Variants in BRD4 observed in about 807,000 individuals in gnomAD.
BRD4 encodes the protein bromodomain-containing protein 4.
In BRD4, 16 loss-of-function variants were observed where a neutral mutation model predicts 142.1. That is an observed-to-expected ratio of 0.11 (90% CI 0.08 to 0.17). BRD4 has a LOEUF of 0.17. BRD4 is among the 10% of genes least tolerant of loss of function. The pLI is 1.00. For missense variants in BRD4, 1,424 were observed against 1,810.9 expected, an observed-to-expected ratio of 0.79 and a Z score of 3.88; for synonymous variants, 833 against 707.5, an observed-to-expected ratio of 1.18 and a Z score of -2.82.
intron 6 of BRD4, among the ~76,000 whole-genome samples, chr19:15,263,839 G>A (rs2047501151): frequency 6.6e-6 from 1 of 152,160 alleles, no homozygotes; most frequent in Admixed American, 6.5e-5. Flanking sequence ...GAGAGGGCTG[G>A]GCCCAGCTCA....
intron 1 of BRD4, among the ~76,000 whole-genome samples, chr19:15,310,534 C>T (rs2047960890): frequency 6.6e-6 from 1 of 151,834 alleles, no homozygotes; most frequent in South Asian, 2.1e-4. Flanking sequence ...CTAATTTCTT[C>T]TATTTTGAGT....
intron 1 of BRD4, among the ~76,000 whole-genome samples, chr19:15,279,852 T>G (rs4809131): frequency 6.6e-6 from 1 of 152,234 alleles, no homozygotes; most frequent in Non-Finnish European, 1.5e-5. Flanking sequence ...TGAAACCCAG[T>G]AATCCTGCCT....
intron 9 of BRD4, 34 bp from the exon 10 acceptor site, chr19:15,255,626 G>A (rs201944913): frequency 1.7e-5 from 26 of 1,561,058 alleles, no homozygotes; most frequent in South Asian, 1.3e-4. Context: ...CATCAAGAAC[G>A]GGCCCCCTGA....
In BRD4 at chr19:15,328,984, G is replaced by A. The variant is rs114895983; in HGVS notation, c.-35+3306C>T. ...GACGTGGTTTCTCCATGTTTGTCAG[G>A]CTGGTGTCGAACTTTTGACCCCAGG... On this transcript the variant is annotated intron_variant, in intron 1 of 19. Transcript: ENST00000679869. Among the ~76,000 whole-genome samples, 623 of 152,076 alleles carry A rather than the reference G, an allele frequency of 4.1e-3. 2 individuals are homozygous for A. Among genetic ancestry groups the A allele is most frequent in the African/African-American group, 0.015 (602 of 41,480 alleles).
At chr19:15,317,477 T>C (rs753264875) in intron 1 of BRD4, among the ~76,000 whole-genome samples, 2 of 152,162 alleles carry the variant, frequency 1.3e-5, no homozygotes, top group Non-Finnish European at 2.9e-5. Context: ...ATGTCAAGCA[T>C]CCAGTCAGAA....
rs762773967 is a variant in BRD4, at chr19:15,243,423, G to C, written c.2646C>G (p.Pro882=). ...ACACGGCTGGGGGCCGGGCGGGCTT[G>C]GGAGGCAGGGCAGCGGCTCGGTTGC... is the stretch of plus-strand genomic sequence containing the variant. The part of the protein sequence containing the change: ...RPSNRAAALP[P]KPARPPAVSP... The change falls in exon 14 of 20, where the codon CCC becomes CCG. Residue 882 remains proline, a synonymous_variant. Transcript: ENST00000679869. 2 of 1,575,714 alleles carry C rather than the reference G, an allele frequency of 1.3e-6. No homozygotes were observed. The highest frequency in any genetic ancestry group is 3.6e-5 in the Admixed American group (2 of 55,042).
chr19:15,283,989 A>C (rs1451974338), intron 1 of BRD4, among the ~76,000 whole-genome samples: 7 of 152,224 alleles, frequency 4.6e-5, no homozygotes, highest in African/African-American at 1.7e-4. Context: ...AGATGGAGCC[A>C]GGAACAGACA....
intron 11 of BRD4, among the ~76,000 whole-genome samples, chr19:15,252,332 G>A (rs181043522): frequency 3.7e-4 from 56 of 152,228 alleles, no homozygotes; most frequent in Admixed American, 3.9e-4. Context: ...CAGGTCCCCT[G>A]ACAATTTCAG....
intron 2 of BRD4, among the ~76,000 whole-genome samples, chr19:15,270,987 A>G (rs2047581294): frequency 6.6e-6 from 1 of 152,132 alleles, no homozygotes; most frequent in South Asian, 2.1e-4. Flanking sequence ...GGACAGGTAG[A>G]TTCACACTCT....
At chr19:15,252,528 C>G (rs948194021) in intron 11 of BRD4, among the ~76,000 whole-genome samples, 2 of 152,242 alleles carry the variant, frequency 1.3e-5, no homozygotes, top group Non-Finnish European at 2.9e-5. Context: ...AAGAATACAG[C>G]CATTCACCCC....
intron 1 of BRD4, among the ~76,000 whole-genome samples, chr19:15,317,441 T>A (rs1282152551): frequency 6.6e-6 from 1 of 152,132 alleles, no homozygotes; most frequent in Non-Finnish European, 1.5e-5. Flanking sequence ...AGGCATGCAG[T>A]AAGCAATAGA....
Position 15,311,991 on chromosome 19 carries a change from G to C in BRD4, c.-35+20299C>G, listed in dbSNP as rs923963381. On this transcript the variant is annotated intron_variant, in intron 1 of 19. Coordinates refer to ENST00000679869, the MANE Select transcript of BRD4 (RefSeq NM_001379291.1). ...CTTTGCAAGATGAAAACTTTCTAGTGATCTGCTGCACGACAATATGCATAT... is the reference window on the plus strand; with the variant it reads ...CTTTGCAAGATGAAAACTTTCTAGTCATCTGCTGCACGACAATATGCATAT... 3.3e-4 allele frequency among the ~76,000 whole-genome samples: 50 copies of C among 152,216 alleles called. 1 individual carries two copies. Among genetic ancestry groups the C allele is most frequent in the African/African-American group, 1.2e-3 (49 of 41,456 alleles).
At chr19:15,263,620 G>A (rs1204917119) in intron 6 of BRD4, 72 bp from the exon 7 acceptor site, 18 of 1,585,946 alleles carry the variant, frequency 1.1e-5, no homozygotes, top group South Asian at 2.2e-5. Context: ...GGCAGCAGAC[G>A]AAAGGGATGC....
At position 15,277,638 on chromosome 19, in the gene BRD4, A is replaced by G. The variant is rs2047661816; in HGVS notation, c.-34-4505T>C. ...CTCTACCAAAAAAAAAAAAAAAAAAAAAGTACCCAGGCATGGTGGTGTACA... is the reference window on the plus strand; with the variant it reads ...CTCTACCAAAAAAAAAAAAAAAAAAGAAGTACCCAGGCATGGTGGTGTACA... On this transcript the variant is annotated intron_variant, in intron 1 of 19. Coordinates refer to ENST00000679869, the MANE Select transcript of BRD4 (RefSeq NM_001379291.1). 2.0e-5 allele frequency among the ~76,000 whole-genome samples: 3 copies of G among 151,352 alleles called. No homozygotes were observed. The South Asian group carries it at 6.3e-4, about 32-fold the overall frequency.
chr19:15,264,895 T>C (rs184846455), intron 5 of BRD4, 129 bp from the exon 6 acceptor site: 9 of 1,413,584 alleles, frequency 6.4e-6, no homozygotes, highest in South Asian at 4.1e-5. Flanking sequence ...CCAAAGATAA[T>C]TGCACAGGCA....
At chr19:15,287,897 T>C (rs564371513) in intron 1 of BRD4, among the ~76,000 whole-genome samples, 5 of 151,780 alleles carry the variant, frequency 3.3e-5, no homozygotes, top group African/African-American at 1.2e-4. Context: ...GCCTCCCGAG[T>C]AGCTGGGACT....
At chr19:15,272,704 C>G in intron 2 of BRD4, 111 bp downstream of exon 2, 1 of 1,043,446 alleles carries the variant, frequency 9.6e-7, no homozygotes, top group Non-Finnish European at 1.4e-6. Context: ...GCAGCTCTCA[C>G]CATGATTCCA....
intron 7 of BRD4, among the ~76,000 whole-genome samples, chr19:15,262,531 AAAAAAAAAAAAG>A (rs869127478): frequency 0.028 from 4,204 of 149,986 alleles, 116 homozygotes; most frequent in African/African-American, 0.073. Context: ...CTTTAAAAAA[AAAAAAAAAAAAG>A]AAAAAAAAAA....
Position 15,255,287 on chromosome 19 carries a change from C to A in BRD4, c.2047+10G>T. 1.2e-6 allele frequency: 2 copies of A among 1,606,120 alleles called. No individual in the cohort carries two copies. On this transcript the variant is annotated intron_variant, in intron 10 of 19. Transcript: ENST00000679869. Reference sequence around the variant, plus strand: ...AGAAGGAACCCCATGCCCAGGGGGCCCAAGCACACCTTGAGGTTTCCTTTT... The same window carrying A: ...AGAAGGAACCCCATGCCCAGGGGGCACAAGCACACCTTGAGGTTTCCTTTT...
Sources: gnomAD v4.1 joint callset for allele counts (sites outside exome capture counted in the v4.1 genomes callset) on GRCh38, gnomAD v4.1.1 for gene constraint, MANE v1.5 for transcripts, NCBI Gene and HGNC (gene_info 2026-07-23, HGNC 2026-07-21) for gene names.